The following DENND1A variants were observed in gnomAD, a reference collection of about 807,000 sequenced individuals.
DENND1A encodes DENN domain containing 1A.
In DENND1A, 51 loss-of-function variants were observed where a neutral mutation model predicts 113.7. That is an observed-to-expected ratio of 0.45 (90% CI 0.36 to 0.57). The LOEUF is 0.57. DENND1A is among the 20% of genes least tolerant of loss of function. The pLI is 0.00. For synonymous variants in DENND1A, 565 were observed against 570.8 expected (o/e 0.99, Z 0.14); for missense variants, 1,258 against 1,395.9 (o/e 0.90, Z 1.57).
intron 10 of DENND1A, among the ~76,000 whole-genome samples, chr9:123,618,814 G>A (rs1589378546): frequency 6.6e-6 from 1 of 152,178 alleles, no homozygotes; most frequent in Non-Finnish European, 1.5e-5. Flanking sequence ...TCCTGACATC[G>A]GTGCCTTCCG....
chr9:123,877,050 G>A (rs1383809986), intron 2 of DENND1A, among the ~76,000 whole-genome samples: 2 of 152,146 alleles, frequency 1.3e-5, no homozygotes, highest in African/African-American at 4.8e-5. Context: ...TCAGAAGGGT[G>A]GGAGGGGCTG....
Position 123,775,130 on chromosome 9 carries a change from T to C in DENND1A, c.133-5567A>G, listed in dbSNP as rs375547603. On this transcript the variant is annotated intron_variant, in intron 3 of 23. Transcript: ENST00000394215. The stretch of plus-strand genomic sequence containing the variant: ...GATTCCTTTTATTAATTTTAAATCT[T>C]ACACAAAGTGGTTGAAAATGAGAGC... Among the ~76,000 whole-genome samples the C allele has an allele frequency of 2.0e-3, 299 of 152,314 alleles. 2 individuals carry two copies. The highest frequency in any genetic ancestry group is 6.9e-3 in the African/African-American group (286 of 41,578).
At chr9:123,661,262 C>A (rs755785645) in intron 8 of DENND1A, among the ~76,000 whole-genome samples, 4 of 152,182 alleles carry the variant, frequency 2.6e-5, no homozygotes, top group Admixed American at 2.6e-4. Context: ...CAGACTTTCC[C>A]ACACCTCTCC....
intron 10 of DENND1A, among the ~76,000 whole-genome samples, chr9:123,618,929 C>T (rs1280487651): frequency 1.3e-5 from 2 of 152,126 alleles, no homozygotes; most frequent in Non-Finnish European, 2.9e-5. Context: ...CTTTAAAAGG[C>T]TAAAAAAGTT....
At chr9:123,546,324 A>G (rs187375250) in intron 13 of DENND1A, among the ~76,000 whole-genome samples, 1,605 of 151,920 alleles carry the variant, frequency 0.011, 14 homozygotes, top group Non-Finnish European at 0.014. Flanking sequence ...CAAGGTGGGC[A>G]GATCACCAGG....
intron 13 of DENND1A, among the ~76,000 whole-genome samples, chr9:123,503,482 A>G (rs2052663488): frequency 6.6e-6 from 1 of 152,208 alleles, no homozygotes; most frequent in South Asian, 2.1e-4. Context: ...CACCAATGTT[A>G]TCTATGAGCT....
At chr9:123,464,252 T>A (rs1054284435) in intron 13 of DENND1A, among the ~76,000 whole-genome samples, 1 of 152,150 alleles carries the variant, frequency 6.6e-6, no homozygotes, top group Non-Finnish European at 1.5e-5. Flanking sequence ...GAGAAGTGGA[T>A]GAAAATATAG....
Position 123,382,094 on chromosome 9 carries a change from T to G in DENND1A, c.2551A>C (p.Ser851Arg). ...DALLALLDPL[S>R]TAWSGSTLPS... ...AGGGTGCTGCCTGACCAGGCTGTGC[T>G]GAGCGGGTCCAGGAGGGCGAGCAGG... The change falls in exon 24 of 24, where the codon AGC becomes CGC. Residue 851 changes from serine (S) to arginine (R), a missense_variant. By Grantham distance (110) the Ser-to-Arg change is moderately radical (BLOSUM62 -1). Coordinates refer to ENST00000394215, the MANE Select transcript of DENND1A (RefSeq NM_001352964.2). The G allele has an allele frequency of 6.5e-7, 1 of 1,548,434 alleles. No individual in the cohort carries two copies. Among genetic ancestry groups the G allele is most frequent in the Non-Finnish European group, 8.7e-7 (1 of 1,148,608 alleles).
chr9:123,524,570 C>A (rs1243436125), intron 13 of DENND1A, among the ~76,000 whole-genome samples: 1 of 152,186 alleles, frequency 6.6e-6, no homozygotes, highest in African/African-American at 2.4e-5. Flanking sequence ...CAGCACTTGA[C>A]AAACAAAACA....
chr9:123,585,867 T>A (rs1287195885), intron 11 of DENND1A, among the ~76,000 whole-genome samples: 1 of 152,148 alleles, frequency 6.6e-6, no homozygotes. Flanking sequence ...TCACTCCCCC[T>A]AGGGCTGCTG....
chr9:123,807,926 T>C (rs1416549140), intron 2 of DENND1A, among the ~76,000 whole-genome samples: 1 of 152,126 alleles, frequency 6.6e-6, no homozygotes, highest in African/African-American at 2.4e-5. Flanking sequence ...CAGATTTAAC[T>C]TTAAAACCTA....
intron 11 of DENND1A, among the ~76,000 whole-genome samples, chr9:123,607,597 T>TG (rs1371846022): frequency 9.5e-5 from 13 of 137,240 alleles, no homozygotes; most frequent in African/African-American, 3.5e-4. Flanking sequence ...ATAAATTGTT[T>TG]GGGGAAGACT....
At chr9:123,545,015 G>A (rs757936247) in intron 13 of DENND1A, among the ~76,000 whole-genome samples, 1 of 151,832 alleles carries the variant, frequency 6.6e-6, no homozygotes, top group Non-Finnish European at 1.5e-5. Flanking sequence ...GGAGAATGGC[G>A]TGAACCCGGG....
At chr9:123,592,115 CAAT>C (rs1479056777) in intron 11 of DENND1A, among the ~76,000 whole-genome samples, 1 of 152,170 alleles carries the variant, frequency 6.6e-6, no homozygotes, top group African/African-American at 2.4e-5. Context: ...GATTTTAACA[CAAT>C]GTCTGATTGC....
intron 2 of DENND1A, among the ~76,000 whole-genome samples, chr9:123,827,072 A>G (rs1590248458): frequency 6.6e-6 from 1 of 152,218 alleles, no homozygotes; most frequent in African/African-American, 2.4e-5. Context: ...TCCTGAAAAA[A>G]TATTTTTCCA....
At chr9:123,748,263 A>T (rs992592288) in intron 5 of DENND1A, among the ~76,000 whole-genome samples, 1 of 152,142 alleles carries the variant, frequency 6.6e-6, no homozygotes, top group African/African-American at 2.4e-5. Context: ...GGAAGGAAAC[A>T]CCCTTAGTCA....
chr9:123,433,415 A>G (rs2046286487), intron 19 of DENND1A, among the ~76,000 whole-genome samples: 1 of 152,106 alleles, frequency 6.6e-6, no homozygotes, highest in South Asian at 2.1e-4. Flanking sequence ...CTACACATGG[A>G]TCTTATATAT....
chr9:123,849,198 A>C (rs1843008296), intron 2 of DENND1A, among the ~76,000 whole-genome samples: 1 of 152,188 alleles, frequency 6.6e-6, no homozygotes. Context: ...GAGATGTCAA[A>C]ACCAGCTTCA....
chr9:123,741,408 T>G lies in DENND1A; in HGVS notation c.302+16295A>C, dbSNP rs1272404639. 2.0e-5 allele frequency among the ~76,000 whole-genome samples: 3 copies of G among 152,230 alleles called. No individual in the cohort carries two copies. In the East Asian group the frequency reaches 5.8e-4, roughly 29 times the overall value. On this transcript the variant is annotated intron_variant, in intron 5 of 23. Transcript: ENST00000394215. ...ATGTCAACAATGTCAAAGGAAACTC[T>G]GTAAGCAGAATAACTACTTCCTCTT... is the stretch of plus-strand genomic sequence containing the variant.
Sources: allele counts gnomAD v4.1 joint callset (sites outside exome capture counted in the v4.1 genomes callset), GRCh38; gene constraint gnomAD v4.1.1; transcripts MANE v1.5; gene names NCBI Gene and HGNC (gene_info 2026-07-23, HGNC 2026-07-21).